Variants in ABR observed in about 807,000 individuals in gnomAD.
ABR encodes the protein active breakpoint cluster region-related protein.
Under a neutral mutation model 107.2 loss-of-function variants are expected in ABR, and 35 were observed. The ratio of observed to expected loss-of-function variants is 0.33; its 90% confidence interval spans 0.25 to 0.43. The LOEUF is 0.43. Among genes scored for constraint, ABR ranks in the 20% least tolerant of loss-of-function variants. The probability of loss-of-function intolerance (pLI) is 1.00; values close to 1 mark genes in which losing one functional copy is unlikely to be tolerated. For synonymous variants in ABR, 498 were observed against 462.0 expected (o/e 1.08, Z -1.00); for missense variants, 815 against 1,115.2 (o/e 0.73, Z 3.83).
Position 1,067,128 on chromosome 17 carries a change from C to T in ABR, c.1131G>A (p.Leu377=). ...CAGAGATCTTCATCTTCATGTCCTC[C>T]AGCTCATGGTCTGGGAAGGGGTGCA... ...PQVHPFPDHE[L]EDMKMKISAL... is the part of the protein sequence containing the mutation. Residue 377 remains leucine, a synonymous_variant, in exon 10 of 23, where the codon CTG becomes CTA. Transcript: ENST00000302538. 6.2e-7 allele frequency: 1 copy of T among 1,613,958 alleles called. No homozygotes were observed. The highest frequency in any genetic ancestry group is 8.5e-7 in the Non-Finnish European group (1 of 1,180,000).
chr17:1,051,076 C>T lies in ABR; in HGVS notation c.1562-442G>A, dbSNP rs550511843. 1.1e-4 allele frequency among the ~76,000 whole-genome samples: 17 copies of T among 152,286 alleles called. No homozygotes were observed. Among genetic ancestry groups the T allele is most frequent in the African/African-American group, 3.6e-4 (15 of 41,550 alleles). On this transcript the variant is annotated intron_variant, in intron 14 of 22. Transcript: ENST00000302538. The surrounding 1 kb of genome is among the most constrained non-coding windows in gnomAD (Gnocchi z 4.3). The stretch of plus-strand genomic sequence containing the variant: ...CTCCCCGTAACATGGGTGCCCAGGC[C>T]TCAACAGCGGCATTTGGGGTGGGAG...
intron 14 of ABR, among the ~76,000 whole-genome samples, chr17:1,054,453 G>A (rs2032977576): frequency 6.7e-6 from 1 of 149,000 alleles, no homozygotes; most frequent in Admixed American, 6.6e-5. Context: ...GAGCAGGATG[G>A]GGGCACAAGG....
At chr17:1,109,143 AGGCGGGCGGGAGGG>A in intron 2 of ABR, 1 of 603,332 alleles carries the variant, frequency 1.7e-6, no homozygotes, top group Non-Finnish European at 2.6e-6. Context: ...AGGAGGGAGG[AGGCGGGCGGGAGGG>A]GGGGCAGGTC....
At chr17:1,015,775 A>T (rs2071106852) in intron 16 of ABR, among the ~76,000 whole-genome samples, 1 of 152,138 alleles carries the variant, frequency 6.6e-6, no homozygotes, top group Admixed American at 6.5e-5. Context: ...ACATTTTAAT[A>T]AATATTAAGT....
chr17:1,162,588 C>T (rs1239160129), intron 1 of ABR, among the ~76,000 whole-genome samples: 1 of 152,262 alleles, frequency 6.6e-6, no homozygotes, highest in Non-Finnish European at 1.5e-5. Flanking sequence ...GCCCACATTT[C>T]CGTCATAGCT....
intron 1 of ABR, among the ~76,000 whole-genome samples, chr17:1,141,308 GT>G (rs2040275301): frequency 1.3e-5 from 2 of 152,174 alleles, no homozygotes; most frequent in Admixed American, 6.5e-5. Context: ...TGGAGCAGAG[GT>G]TGGGGAGCCA....
intron 2 of ABR, among the ~76,000 whole-genome samples, chr17:1,121,405 T>C (rs2039341388): frequency 6.6e-6 from 1 of 152,232 alleles, no homozygotes; most frequent in South Asian, 2.1e-4. Flanking sequence ...CCTCTAAACC[T>C]GGCGAGAAAA....
intron 6 of ABR, among the ~76,000 whole-genome samples, chr17:1,074,275 GA>G (rs2035516197): frequency 1.3e-5 from 2 of 149,476 alleles, no homozygotes; most frequent in Non-Finnish European, 3.0e-5. Context: ...GCCACACGCA[GA>G]ACCCCAGAAT....
rs1417968359 is a variant in ABR at position 1,078,977 on chromosome 17, G to A, written c.700+353C>T. ...TGCTGCCGCACGGACTCCAGCATCG[G>A]GCAGCCGCTCCGGAGTGCTCTTCCA... On this transcript the variant is annotated intron_variant, in intron 6 of 22. Coordinates refer to ENST00000302538, the MANE Select transcript of ABR (RefSeq NM_021962.5). The surrounding 1 kb of genome is among the most constrained non-coding windows in gnomAD (Gnocchi z 7.5). 6.7e-7 allele frequency: 1 copy of A among 1,501,272 alleles called. No individual in the cohort carries two copies. The highest frequency in any genetic ancestry group is 1.3e-5 in the South Asian group (1 of 79,046). The allele number at this position is 1,501,272 out of a possible 1,614,324, so 93.0% of individuals were successfully genotyped here.
intron 10 of ABR, among the ~76,000 whole-genome samples, chr17:1,066,440 C>G (rs2034749666): frequency 6.6e-6 from 1 of 152,114 alleles, no homozygotes; most frequent in African/African-American, 2.4e-5. Context: ...CTGTCAGTTT[C>G]TGAGAGGCCT....
intron 5 of ABR, among the ~76,000 whole-genome samples, chr17:1,080,794 G>C (rs1475961952): frequency 6.6e-6 from 1 of 152,144 alleles, no homozygotes; most frequent in Non-Finnish European, 1.5e-5. Flanking sequence ...AGCGTCCCCA[G>C]CCTGTGTCTC....
At chr17:1,139,083 G>A (rs2151491012) in intron 1 of ABR, among the ~76,000 whole-genome samples, 1 of 151,844 alleles carries the variant, frequency 6.6e-6, no homozygotes, top group African/African-American at 2.4e-5. Flanking sequence ...AGGAAGCCAG[G>A]GAAAGGAGTA....
At chr17:1,083,712 G>A (rs1044498178) in intron 4 of ABR, 85 bp from the exon 5 acceptor site, 10 of 1,144,534 alleles carry the variant, frequency 8.7e-6, no homozygotes, top group Admixed American at 1.7e-5. Flanking sequence ...ACGGAGCACC[G>A]GGAGCTCCCC....
At chr17:1,072,887 A>G in intron 7 of ABR, 133 bp from the exon 8 acceptor site, 1 of 1,252,146 alleles carries the variant, frequency 8.0e-7, no homozygotes, top group Non-Finnish European at 1.1e-6. Context: ...TCTGAACTAC[A>G]AATCAGAGTC....
At chr17:1,201,963 C>G (rs1184728467) in intron 1 of ABR, among the ~76,000 whole-genome samples, 1 of 152,154 alleles carries the variant, frequency 6.6e-6, no homozygotes, top group African/African-American at 2.4e-5. Flanking sequence ...AGGCGTGAGC[C>G]ACCGCGCCCA....
chr17:1,170,227 A>T (rs2041657890), intron 1 of ABR, among the ~76,000 whole-genome samples: 1 of 152,028 alleles, frequency 6.6e-6, no homozygotes, highest in African/African-American at 2.4e-5. Flanking sequence ...TGGGGGCAAG[A>T]CGCAGTCTTC....
At chr17:1,058,706 G>A (rs762708290) in intron 11 of ABR, 39 bp downstream of exon 11, 6 of 1,609,590 alleles carry the variant, frequency 3.7e-6, no homozygotes, top group Non-Finnish European at 5.1e-6. Context: ...TCTGGACTAA[G>A]GAAGGGGCTG....
At chr17:1,046,564 G>A (rs1239140420) in intron 16 of ABR, among the ~76,000 whole-genome samples, 2 of 152,194 alleles carry the variant, frequency 1.3e-5, no homozygotes, top group Non-Finnish European at 2.9e-5. Flanking sequence ...CTTCCTCCCA[G>A]GGGCACCAGG....
intron 16 of ABR, among the ~76,000 whole-genome samples, chr17:1,016,357 C>T (rs1377903288): frequency 1.3e-5 from 2 of 150,692 alleles, no homozygotes; most frequent in Non-Finnish European, 2.9e-5. Flanking sequence ...CGCTCTGTCG[C>T]CCAGGCTGGA....
Sources: allele counts gnomAD v4.1 joint callset (sites outside exome capture counted in the v4.1 genomes callset), GRCh38; gene constraint gnomAD v4.1.1; non-coding constraint Gnocchi (gnomAD v3.1); transcripts MANE v1.5; gene names NCBI Gene and HGNC (gene_info 2026-07-23, HGNC 2026-07-21).